Variants in PIP5K1B observed in about 807,000 individuals in gnomAD.
PIP5K1B encodes the protein phosphatidylinositol 4-phosphate 5-kinase type-1 beta.
A neutral mutation model predicts 67.0 loss-of-function variants in PIP5K1B; 42 were observed. That is an observed-to-expected ratio of 0.63 (90% CI 0.49 to 0.81). The LOEUF is 0.81. PIP5K1B is among the 30% of genes least tolerant of loss of function. PIP5K1B has a pLI of 0.00. For missense variants in PIP5K1B, 459 were observed against 646.3 expected, an observed-to-expected ratio of 0.71 and a Z score of 3.14; for synonymous variants, 214 against 231.4, an observed-to-expected ratio of 0.92 and a Z score of 0.68.
In PIP5K1B at chr9:68,705,726, C is replaced by T. The variant is rs1238275483; in HGVS notation, c.-279C>T. The T allele has an allele frequency of 1.3e-5, 2 of 151,598 alleles. No homozygotes were observed. 9.4% of individuals were successfully genotyped at this position (151,598 alleles called of 1,614,324 possible). On this transcript the variant is annotated 5_prime_UTR_variant, in exon 1 of 16. Coordinates refer to ENST00000265382, the MANE Select transcript of PIP5K1B (RefSeq NM_003558.4). ...ACTTGCAGACTGTGGCGCAACTGGT[C>T]TTGGTAGCGGAGGCACCCGAATGCT...
intron 2 of PIP5K1B, among the ~76,000 whole-genome samples, chr9:68,794,405 TC>T (rs1832171970): frequency 6.6e-6 from 1 of 152,100 alleles, no homozygotes; most frequent in African/African-American, 2.4e-5. Context: ...TTTCTTTCTT[TC>T]TTTCTTTCTT....
intron 7 of PIP5K1B, among the ~76,000 whole-genome samples, chr9:68,889,734 CA>C (rs11349016): frequency 0.36 from 28,580 of 79,748 alleles, 2,025 homozygotes; most frequent in Middle Eastern, 0.4. Flanking sequence ...GACTCCTTCT[CA>C]AAAAAAAAAA....
At chr9:68,954,071 G>A (rs1401827264) in intron 14 of PIP5K1B, among the ~76,000 whole-genome samples, 1 of 151,900 alleles carries the variant, frequency 6.6e-6, no homozygotes, top group South Asian at 2.1e-4. Flanking sequence ...ATCCTGTTCT[G>A]TGTTTTCCGC....
rs75753895 is a variant in PIP5K1B, at chr9:68,999,942, C to T, written c.1621-8505C>T. 5.6e-3 allele frequency among the ~76,000 whole-genome samples: 846 copies of T among 152,264 alleles called. 7 individuals are homozygous for T. Among genetic ancestry groups the T allele is most frequent in the African/African-American group, 0.019 (797 of 41,536 alleles). On this transcript the variant is annotated intron_variant, in intron 15 of 15. Coordinates refer to ENST00000265382, the MANE Select transcript of PIP5K1B (RefSeq NM_003558.4). ...TTGATTGTAGCCTTTCAGTGTTGTA[C>T]GTGCAAGGTCAGCAGGCGGCGGGGG...
intron 5 of PIP5K1B, among the ~76,000 whole-genome samples, chr9:68,866,443 T>C (rs74838292): frequency 0.016 from 2,493 of 152,000 alleles, 54 homozygotes; most frequent in East Asian, 0.11. Flanking sequence ...ATATAATATA[T>C]ATCTACACAC....
At chr9:69,003,747 T>A (rs1032096496) in intron 15 of PIP5K1B, among the ~76,000 whole-genome samples, 3 of 152,160 alleles carry the variant, frequency 2.0e-5, no homozygotes, top group African/African-American at 7.2e-5. Flanking sequence ...AAAAAGTTTC[T>A]TGGAAAAGAA....
intron 5 of PIP5K1B, among the ~76,000 whole-genome samples, chr9:68,871,246 A>T (rs1823614152): frequency 6.6e-6 from 1 of 151,510 alleles, no homozygotes; most frequent in South Asian, 2.1e-4. Context: ...CTTGTAACAG[A>T]ATCCTGAAAA....
At chr9:68,945,176 C>T (rs571757325) in intron 14 of PIP5K1B, among the ~76,000 whole-genome samples, 2 of 151,644 alleles carry the variant, frequency 1.3e-5, no homozygotes, top group South Asian at 4.2e-4. Flanking sequence ...GAGAGAGTCT[C>T]GCGCTGTGGC....
intron 1 of PIP5K1B, among the ~76,000 whole-genome samples, chr9:68,717,586 C>T (rs1414917919): frequency 6.6e-6 from 1 of 152,188 alleles, no homozygotes; most frequent in Non-Finnish European, 1.5e-5. Flanking sequence ...CAAACTTCTT[C>T]TAGTACCCTC....
At chr9:68,819,613 A>G (rs1038405181) in intron 3 of PIP5K1B, among the ~76,000 whole-genome samples, 7 of 152,164 alleles carry the variant, frequency 4.6e-5, no homozygotes, top group African/African-American at 1.7e-4. Context: ...TTGAATTCAT[A>G]CTTACCTTGA....
At chr9:68,906,641 T>C (rs1161355941) in intron 8 of PIP5K1B, among the ~76,000 whole-genome samples, 2 of 152,234 alleles carry the variant, frequency 1.3e-5, no homozygotes, top group African/African-American at 4.8e-5. Flanking sequence ...ATTTAAAATA[T>C]CTTCATCCAG....
At chr9:68,763,591 T>G (rs1830286681) in intron 2 of PIP5K1B, among the ~76,000 whole-genome samples, 1 of 152,058 alleles carries the variant, frequency 6.6e-6, no homozygotes, top group South Asian at 2.1e-4. Flanking sequence ...CTGGGGAAAT[T>G]GTGAAGGATG....
intron 14 of PIP5K1B, among the ~76,000 whole-genome samples, chr9:68,986,931 A>T (rs999854135): frequency 3.3e-5 from 5 of 152,186 alleles, no homozygotes; most frequent in Admixed American, 3.3e-4. Context: ...TTTTACACTT[A>T]TATGCATGTA....
chr9:68,834,235 C>T (rs1295934834), intron 4 of PIP5K1B, among the ~76,000 whole-genome samples: 3 of 152,334 alleles, frequency 2.0e-5, no homozygotes, highest in Middle Eastern at 6.8e-3. Context: ...ATCTTGGACA[C>T]GCACCTAACT....
chr9:68,845,222 G>A lies in PIP5K1B; in HGVS notation c.70-18615G>A, dbSNP rs114504763. 5.6e-3 allele frequency among the ~76,000 whole-genome samples: 856 copies of A among 152,302 alleles called. 10 individuals carry two copies. Among genetic ancestry groups the A allele is most frequent in the African/African-American group, 0.019 (799 of 41,554 alleles). ...AGGAGCCTGAAACTGATTGTGCTGC[G>A]TGTTGGTGATCCCAAATGTCTGTCC... On this transcript the variant is annotated intron_variant, in intron 4 of 15. Coordinates refer to ENST00000265382, the MANE Select transcript of PIP5K1B (RefSeq NM_003558.4).
intron 14 of PIP5K1B, among the ~76,000 whole-genome samples, chr9:68,963,515 A>C (rs932123918): frequency 7.9e-5 from 12 of 152,122 alleles, no homozygotes; most frequent in Admixed American, 6.5e-4. Context: ...AAAAAAAAAA[A>C]AACAAAACCT....
intron 13 of PIP5K1B, among the ~76,000 whole-genome samples, chr9:68,940,234 TCATAGATATGTG>T (rs1827489625): frequency 6.6e-6 from 1 of 152,216 alleles, no homozygotes; most frequent in Non-Finnish European, 1.5e-5. Context: ...AACCTGAGAA[TCATAGATATGTG>T]CATATCACAG....
intron 8 of PIP5K1B, among the ~76,000 whole-genome samples, chr9:68,895,122 A>G (rs1825013303): frequency 6.6e-6 from 1 of 152,140 alleles, no homozygotes; most frequent in Admixed American, 6.6e-5. Context: ...TATGAGCAGC[A>G]CGTTTGCTGA....
At chr9:68,765,633 A>T (rs1830390569) in intron 2 of PIP5K1B, among the ~76,000 whole-genome samples, 1 of 152,208 alleles carries the variant, frequency 6.6e-6, no homozygotes, top group East Asian at 1.9e-4. Context: ...GTTTAGAGAG[A>T]TACTAATAGA....
Sources: allele counts gnomAD v4.1 joint callset (sites outside exome capture counted in the v4.1 genomes callset), GRCh38; gene constraint gnomAD v4.1.1; transcripts MANE v1.5; gene names NCBI Gene and HGNC (gene_info 2026-07-23, HGNC 2026-07-21).